Variants in FAM186A observed in about 807,000 individuals in gnomAD.
FAM186A encodes family with sequence similarity 186 member A, also known as protein FAM186A.
FAM186A carries 163 observed loss-of-function variants against 216.8 expected under a neutral mutation model. The ratio of observed to expected loss-of-function variants is 0.75; its 90% CI spans 0.66 to 0.86. FAM186A has a LOEUF of 0.86. FAM186A is among the 40% of genes least tolerant of loss of function. The pLI is 0.00. For synonymous variants in FAM186A, 805 were observed against 1,025.3 expected (o/e 0.79, Z 4.10); for missense variants, 2,184 against 2,746.2 (o/e 0.80, Z 4.58).
intron 1 of FAM186A, among the ~76,000 whole-genome samples, chr12:50,395,056 C>A (rs574677219): frequency 6.6e-6 from 1 of 151,394 alleles, no homozygotes; most frequent in East Asian, 2.0e-4. Context: ...TAGGAAAGAA[C>A]CCCCCCTTAA....
Position 50,331,668 on chromosome 12 carries a change from A to G in FAM186A, c.6848+2T>C. ...TTTAATATCAGTCTTTCTAGCACATACCTAAATTTCTTGCATATGTCAGAG... is the reference window on the plus strand; with the variant it reads ...TTTAATATCAGTCTTTCTAGCACATGCCTAAATTTCTTGCATATGTCAGAG... On this transcript the variant is annotated splice_donor_variant, in intron 6 of 7. Transcript: ENST00000327337. LOFTEE classifies it high-confidence loss of function. The G allele has an allele frequency of 1.3e-6, 2 of 1,538,162 alleles. No homozygotes were observed. Among genetic ancestry groups the G allele is most frequent in the Non-Finnish European group, 1.7e-6 (2 of 1,144,166 alleles).
At chr12:50,361,418 T>C (rs7971374) in intron 2 of FAM186A, among the ~76,000 whole-genome samples, 96,576 of 151,314 alleles carry the variant, frequency 0.64, 31,350 homozygotes, top group East Asian at 0.74. Flanking sequence ...AGGCTGGTCT[T>C]GAACTCCTGA....
intron 1 of FAM186A, among the ~76,000 whole-genome samples, chr12:50,383,278 A>AAG (rs750922300): frequency 0.022 from 1,079 of 49,052 alleles, 14 homozygotes; most frequent in East Asian, 0.052. Flanking sequence ...AAAAAAAAAA[A>AAG]AGAGAGAGAG....
At chr12:50,390,277 G>T (rs1943345465) in intron 1 of FAM186A, among the ~76,000 whole-genome samples, 1 of 152,068 alleles carries the variant, frequency 6.6e-6, no homozygotes, top group African/African-American at 2.4e-5. Context: ...CTGTTACAAG[G>T]TCAGCAGAAA....
Position 50,351,593 on chromosome 12 carries a change from C to T in FAM186A, c.5239G>A (p.Ala1747Thr), listed in dbSNP as rs1942881577. ...ACCCCGAATATAGAGGACTTCTCAG[C>T]AGTAGGAGCTGATGATGCCAGGGAC... ...RLSLASSAPT[A>T]EKSSIFGVSS... Residue 1747 changes from alanine (A) to threonine (T), a missense_variant, in exon 4 of 8, where the codon GCT (alanine) becomes ACT (threonine). Physicochemically the swap from Ala to Thr is moderately conservative, Grantham distance 58. Coordinates refer to ENST00000327337, the MANE Select transcript of FAM186A (RefSeq NM_001145475.3). The T allele has an allele frequency of 1.9e-6, 3 of 1,551,288 alleles. No individual in the cohort carries two copies. The highest frequency in any genetic ancestry group is 2.6e-6 in the Non-Finnish European group (3 of 1,146,738).
At chr12:50,327,540 CTTTT>C (rs781530836) in intron 7 of FAM186A, 136 bp from the exon 8 acceptor site, 5,308 of 468,246 alleles carry the variant, frequency 0.011, no homozygotes, top group South Asian at 0.015. Context: ...GTATGTAATC[CTTTT>C]TTTTTTTTTT....
At position 50,389,325 on chromosome 12, in the gene FAM186A, AC is replaced by A. The variant is rs373779589; in HGVS notation, c.192+6967del. 4.5e-4 allele frequency among the ~76,000 whole-genome samples: 69 copies of A among 151,996 alleles called. No individual in the cohort carries two copies. The South Asian group carries it at 0.014, about 30-fold the overall frequency. On this transcript the variant is annotated intron_variant, in intron 1 of 7. Transcript: ENST00000327337. ...AGACCAGCCTGACCAACATGGAGAA[AC>A]CCCGTCTCTACTAAAAATACAAAAT...
At chr12:50,386,663 C>T (rs911108041) in intron 1 of FAM186A, among the ~76,000 whole-genome samples, 2 of 151,946 alleles carry the variant, frequency 1.3e-5, no homozygotes, top group Non-Finnish European at 2.9e-5. Flanking sequence ...AGTTCAAGAC[C>T]AGCCTGGCCA....
At chr12:50,348,275 G>A (rs972667220) in intron 4 of FAM186A, among the ~76,000 whole-genome samples, 1 of 151,988 alleles carries the variant, frequency 6.6e-6, no homozygotes, top group Admixed American at 6.6e-5. Flanking sequence ...CTGACCTCAG[G>A]TGGTCTGCCT....
intron 4 of FAM186A, among the ~76,000 whole-genome samples, chr12:50,342,395 A>G (rs1592601283): frequency 6.6e-6 from 1 of 152,134 alleles, no homozygotes; most frequent in East Asian, 1.9e-4. Context: ...GAATGCAATG[A>G]TGGTTTAATA....
chr12:50,392,115 G>C (rs1943362066), intron 1 of FAM186A, among the ~76,000 whole-genome samples: 1 of 148,140 alleles, frequency 6.8e-6, no homozygotes, highest in Non-Finnish European at 1.5e-5. Context: ...TACAGTGACA[G>C]AAGCAGATTG....
rs1243454277 is a variant in FAM186A at position 50,355,580 on chromosome 12, T to G, written c.1252A>C (p.Thr418Pro). Reference sequence around the variant, plus strand: ...GCAACAGGTTGCTGTCGTAGTTCAGTTAAATCTGGAGTTCTTTCAGCTTGG... The same window carrying G: ...GCAACAGGTTGCTGTCGTAGTTCAGGTAAATCTGGAGTTCTTTCAGCTTGG... The part of the protein sequence containing the change: ...TAQAERTPDL[T>P]ELRQQPVASE... The change falls in exon 4 of 8, where the codon ACT (threonine) becomes CCT (proline). Residue 418 changes from threonine (T) to proline (P), a missense_variant. By Grantham distance (38) the Thr-to-Pro change is conservative. This residue lies in a region of FAM186A where 1,132 missense variants were observed against 1,263.4 expected (regional missense o/e 0.90). Coordinates refer to ENST00000327337, the MANE Select transcript of FAM186A (RefSeq NM_001145475.3). 4.5e-6 allele frequency: 7 copies of G among 1,551,538 alleles called. No homozygotes were observed. In the East Asian group the frequency reaches 1.7e-4, roughly 38 times the overall value.
Position 50,354,411 on chromosome 12 carries a change from T to C in FAM186A, c.2421A>G (p.Thr807=). ...AEIESERDIP[T]VSTVQKDHKE... is the part of the protein sequence containing the mutation. ...TGTGGTCTTTCTGTACTGTTGAGAC[T>C]GTTGGAATATCTCTTTCACTTTCTA... is the stretch of plus-strand genomic sequence containing the variant. Residue 807 remains threonine, a synonymous_variant, in exon 4 of 8, where the codon ACA becomes ACG. Transcript: ENST00000327337. 6.4e-7 allele frequency: 1 copy of C among 1,551,562 alleles called. No homozygotes were observed. Among genetic ancestry groups the C allele is most frequent in the South Asian group, 1.2e-5 (1 of 84,066 alleles).
intron 1 of FAM186A, among the ~76,000 whole-genome samples, chr12:50,373,823 A>G (rs1195150229): frequency 1.3e-5 from 2 of 152,118 alleles, no homozygotes; most frequent in African/African-American, 4.8e-5. Context: ...GGGATTATAA[A>G]TCATGCTGCT....
In FAM186A at chr12:50,352,872, C is replaced by T. The variant is rs181694910; in HGVS notation, c.3960G>A (p.Ala1320=). 3.0e-3 allele frequency: 4,065 copies of T among 1,376,074 alleles called. 202 individuals carry two copies. In the Admixed American group the frequency reaches 0.094, roughly 32 times the overall value. 85.2% of individuals were successfully genotyped at this position (1,376,074 alleles called of 1,614,324 possible). ...GGGTGAGAGGGATCCCCAGGGCCTG[C>T]GCCTGCTGAGGGGTGAAAGGGATCC... ...ALGIPFTPQQ[A]QALGIPLTPQ... The change falls in exon 4 of 8, where the codon GCG becomes GCA. Residue 1320 remains alanine (A), a synonymous_variant. Transcript: ENST00000327337.
At chr12:50,389,748 T>A (rs1163853724) in intron 1 of FAM186A, among the ~76,000 whole-genome samples, 2 of 152,196 alleles carry the variant, frequency 1.3e-5, no homozygotes, top group Non-Finnish European at 2.9e-5. Flanking sequence ...GTACAGAAGC[T>A]GTGACTGGAC....
At position 50,353,269 on chromosome 12, in the gene FAM186A, G is replaced by C; in HGVS notation, c.3563C>G (p.Ala1188Gly). 2 of 1,544,124 alleles carry C rather than the reference G, an allele frequency of 1.3e-6. No homozygotes were observed. Among genetic ancestry groups the C allele is most frequent in the South Asian group, 2.4e-5 (2 of 83,756 alleles). ...GGTGAGAGGGATCCCCAATTCCTGA[G>C]CCTGCTGAGGGGTGAGAGGGATCCC... Reference protein sequence around the residue: ...ALGIPLTPQQAQELGIPLTPQ... With the variant: ...ALGIPLTPQQGQELGIPLTPQ... The change falls in exon 4 of 8, where the codon GCT becomes GGT. Residue 1188 changes from alanine (A) to glycine (G), a missense_variant. By Grantham distance (60) the Ala-to-Gly change is moderately conservative. Coordinates refer to ENST00000327337, the MANE Select transcript of FAM186A (RefSeq NM_001145475.3).
chr12:50,373,000 A>G (rs1177925252), intron 1 of FAM186A, among the ~76,000 whole-genome samples: 1 of 25,278 alleles, frequency 4.0e-5, no homozygotes, highest in South Asian at 1.6e-3. Context: ...GGAAGGAATG[A>G]AAGAAAGAAA....
At chr12:50,346,720 G>A (rs983898317) in intron 4 of FAM186A, among the ~76,000 whole-genome samples, 8 of 151,954 alleles carry the variant, frequency 5.3e-5, no homozygotes, top group South Asian at 2.1e-4. Flanking sequence ...GGTGGTGGGC[G>A]CCTGTAGTCC....
Sources: allele counts gnomAD v4.1 joint callset (sites outside exome capture counted in the v4.1 genomes callset), GRCh38; gene constraint gnomAD v4.1.1; regional missense constraint gnomAD v4.1.1; transcripts MANE v1.5; gene names NCBI Gene and HGNC (gene_info 2026-07-23, HGNC 2026-07-21).